P4HA1: variants seen among roughly 807,000 people sequenced by gnomAD.
The protein encoded by P4HA1 is prolyl 4-hydroxylase subunit alpha 1.
P4HA1 carries 24 observed loss-of-function variants against 72.8 expected under a neutral mutation model. The observed-to-expected ratio is 0.33, with a 90% confidence interval of 0.24 to 0.46. The LOEUF is 0.46. Among genes scored for constraint, P4HA1 ranks in the 20% least tolerant of loss-of-function variants. P4HA1 has a pLI of 1.00. For synonymous variants in P4HA1, 201 were observed against 218.8 expected (o/e 0.92, Z 0.72); for missense variants, 446 against 640.6 (o/e 0.70, Z 3.28).
intron 5 of P4HA1, among the ~76,000 whole-genome samples, chr10:73,065,855 GAATA>G (rs1312550771): frequency 5.3e-5 from 8 of 152,064 alleles, no homozygotes; most frequent in Non-Finnish European, 7.4e-5. Flanking sequence ...ACAGAAGAAT[GAATA>G]AATAATGTTA....
In P4HA1 at chr10:73,051,223, T is replaced by C. The variant is rs1384505336; in HGVS notation, c.730A>G (p.Asn244Asp). ...LDPEHQRANG[N>D]LKYFEYIMAK... Reference sequence around the variant, plus strand: ...ATTATATACTCAAAATATTTTAAGTTACCATTAGCTCTCTGATGTTCAGGA... The same window carrying C: ...ATTATATACTCAAAATATTTTAAGTCACCATTAGCTCTCTGATGTTCAGGA... Residue 244 changes from asparagine (N) to aspartate (D), a missense_variant, in exon 7 of 15, where the codon AAC (asparagine) becomes GAC (aspartate). Physicochemically the swap from Asn to Asp is conservative, Grantham distance 23. Transcript: ENST00000394890. 6.3e-7 allele frequency: 1 copy of C among 1,594,322 alleles called. No individual in the cohort carries two copies. The highest frequency in any genetic ancestry group is 8.6e-7 in the Non-Finnish European group (1 of 1,162,992).
chr10:73,043,191 A>C (rs1840777595), intron 9 of P4HA1, among the ~76,000 whole-genome samples: 1 of 152,196 alleles, frequency 6.6e-6, no homozygotes, highest in Non-Finnish European at 1.5e-5. Context: ...ATGTATTAAG[A>C]TGTTCCTAAT....
At chr10:73,045,551 ACT>A (rs139710074) in intron 8 of P4HA1, among the ~76,000 whole-genome samples, 7,944 of 152,084 alleles carry the variant, frequency 0.052, 655 homozygotes, top group African/African-American at 0.17. Flanking sequence ...CAAGATAGCC[ACT>A]CTCATTAACA....
chr10:73,015,016 A>C (rs1839983702), intron 11 of P4HA1, among the ~76,000 whole-genome samples: 1 of 151,490 alleles, frequency 6.6e-6, no homozygotes, highest in African/African-American at 2.4e-5. Context: ...TTTTTAGTAG[A>C]GATGGAGTTT....
chr10:73,028,793 C>G (rs1840361637), intron 10 of P4HA1, among the ~76,000 whole-genome samples: 1 of 151,830 alleles, frequency 6.6e-6, no homozygotes. Context: ...GCCTGTAATC[C>G]CAACACTTTG....
intron 10 of P4HA1, among the ~76,000 whole-genome samples, chr10:73,023,592 C>A (rs535932008): frequency 6.6e-6 from 1 of 152,048 alleles, no homozygotes; most frequent in Non-Finnish European, 1.5e-5. Flanking sequence ...CATCAATTAA[C>A]GAGCAAAATA....
At chr10:73,057,149 T>C (rs1841169938) in intron 5 of P4HA1, among the ~76,000 whole-genome samples, 1 of 149,788 alleles carries the variant, frequency 6.7e-6, no homozygotes, top group South Asian at 2.1e-4. Context: ...TGGCATAAAC[T>C]ACCCAGAATG....
At chr10:73,022,052 C>T (rs979834159) in intron 10 of P4HA1, among the ~76,000 whole-genome samples, 6 of 152,352 alleles carry the variant, frequency 3.9e-5, no homozygotes, top group African/African-American at 1.2e-4. Flanking sequence ...GACTCCACCT[C>T]TGTGGGCAGG....
chr10:73,092,953 T>C (rs1842066808), intron 1 of P4HA1, among the ~76,000 whole-genome samples: 1 of 151,516 alleles, frequency 6.6e-6, no homozygotes, highest in African/African-American at 2.4e-5. Context: ...ATCCCATCTC[T>C]ACAAAAAATT....
chr10:73,011,280 G>C (rs971642283), intron 12 of P4HA1, among the ~76,000 whole-genome samples: 2 of 152,122 alleles, frequency 1.3e-5, no homozygotes, highest in Non-Finnish European at 2.9e-5. Context: ...TGGAAGACTG[G>C]GGATATAATT....
intron 4 of P4HA1, chr10:73,071,328 A>G (rs1841558229): frequency 6.6e-6 from 1 of 152,104 alleles, no homozygotes; most frequent in Non-Finnish European, 1.5e-5. Flanking sequence ...CCTGTGCATA[A>G]TAAGTTTACT....
chr10:73,033,812 T>C (rs961803533), intron 9 of P4HA1, among the ~76,000 whole-genome samples: 10 of 152,298 alleles, frequency 6.6e-5, no homozygotes, highest in Middle Eastern at 6.8e-3. Context: ...CTTTGTGACG[T>C]TGGACGAAGC....
rs1054369622 is a variant in P4HA1, at chr10:73,087,264, CTTTA to C, written c.-33+9498_-33+9501del. 2.3e-4 allele frequency among the ~76,000 whole-genome samples: 34 copies of C among 147,634 alleles called. No homozygotes were observed. In the South Asian group the frequency reaches 6.1e-3, roughly 26 times the overall value. The stretch of plus-strand genomic sequence containing the variant: ...CATAATTACTAATGATGTTTAATGC[CTTTA>C]TTTTTTTTTTTTTTTTTTGAGACAG... On this transcript the variant is annotated intron_variant, in intron 1 of 14. Coordinates refer to ENST00000394890, the MANE Select transcript of P4HA1 (RefSeq NM_001017962.3).
chr10:73,047,242 G>A (rs1589601406), intron 7 of P4HA1, 141 bp from the exon 8 acceptor site: 1 of 656,860 alleles, frequency 1.5e-6, no homozygotes, highest in East Asian at 2.8e-5. Context: ...GCAGTACTCT[G>A]CAAATATTTT....
rs554670328 is a variant in P4HA1 at position 73,040,918 on chromosome 10, GT to G, written c.1148+4062del. 1.6e-4 allele frequency among the ~76,000 whole-genome samples: 24 copies of G among 152,022 alleles called. No homozygotes were observed. The South Asian group carries it at 4.8e-3, about 30-fold the overall frequency. On this transcript the variant is annotated intron_variant, in intron 9 of 14. Coordinates refer to ENST00000394890, the MANE Select transcript of P4HA1 (RefSeq NM_001017962.3). ...AATTTTTATTTTTTTTAAAGAAGGG[GT>G]TTTTTGTAGATATGAATTAGGTTCT...
At chr10:73,085,397 T>C (rs1157921529) in intron 1 of P4HA1, among the ~76,000 whole-genome samples, 1 of 152,078 alleles carries the variant, frequency 6.6e-6, no homozygotes, top group African/African-American at 2.4e-5. Context: ...TTTTTTTTTT[T>C]TTTGAGACAG....
intron 8 of P4HA1, among the ~76,000 whole-genome samples, chr10:73,045,467 A>AT (rs1370039903): frequency 3.3e-5 from 5 of 151,768 alleles, no homozygotes; most frequent in Non-Finnish European, 7.4e-5. Flanking sequence ...TTTGACTTTA[A>AT]TTTTTTTTAG....
At chr10:73,072,230 A>G in intron 3 of P4HA1, 50 bp from the exon 4 acceptor site, 1 of 1,463,272 alleles carries the variant, frequency 6.8e-7, no homozygotes, top group Non-Finnish European at 9.4e-7. Flanking sequence ...ATAGGGAAAA[A>G]CACAATTTAA....
chr10:73,030,209 A>G, intron 10 of P4HA1, 62 bp downstream of exon 10: 1 of 776,666 alleles, frequency 1.3e-6, no homozygotes, highest in Non-Finnish European at 2.0e-6. Flanking sequence ...CAGTGTCAGG[A>G]AATCTCCTCT....
Sources: allele counts gnomAD v4.1 joint callset (sites outside exome capture counted in the v4.1 genomes callset), GRCh38; gene constraint gnomAD v4.1.1; transcripts MANE v1.5; gene names NCBI Gene and HGNC (gene_info 2026-07-23, HGNC 2026-07-21).